The following AOX1 variants were observed in gnomAD, a reference collection of about 807,000 sequenced individuals.
AOX1 encodes aldehyde oxidase 1, also known as aldehyde oxidase.
AOX1 carries 153 observed loss-of-function variants against 169.5 expected under a neutral mutation model. The observed-to-expected ratio is 0.90, with a 90% CI of 0.79 to 1.03. AOX1 has a LOEUF of 1.03. AOX1 is among the 50% of genes least tolerant of loss of function. The pLI, the probability that AOX1 is intolerant of heterozygous loss-of-function variation, is 0.00. For synonymous variants in AOX1, 562 were observed against 581.9 expected, an observed-to-expected ratio of 0.97 and a Z score of 0.49; for missense variants, 1,656 against 1,663.9, an observed-to-expected ratio of 1.00 and a Z score of 0.08.
intron 26 of AOX1, among the ~76,000 whole-genome samples, chr2:200,652,441 G>C (rs111789352): frequency 0.025 from 3,841 of 152,282 alleles, 81 homozygotes; most frequent in South Asian, 0.046. Flanking sequence ...AAGCAAAAAC[G>C]AGGTTATTAC....
chr2:200,602,418 A>AG, intron 6 of AOX1, 73 bp downstream of exon 6: 2 of 1,329,676 alleles, frequency 1.5e-6, no homozygotes, highest in African/African-American at 1.4e-5. Context: ...GTCAGTGATT[A>AG]GGGGGGCAGC....
intron 19 of AOX1, among the ~76,000 whole-genome samples, chr2:200,624,636 A>G (rs2034964283): frequency 2.0e-5 from 3 of 152,226 alleles, no homozygotes; most frequent in Admixed American, 2.0e-4. Flanking sequence ...AGATTTTTCA[A>G]GAGATAAGTC....
intron 25 of AOX1, among the ~76,000 whole-genome samples, chr2:200,648,917 G>A (rs1270777360): frequency 6.6e-6 from 1 of 152,038 alleles, no homozygotes; most frequent in Admixed American, 6.5e-5. Flanking sequence ...CAAGCAGAAG[G>A]GTTGGTCTCA....
chr2:200,667,849 G>C (rs753052572), intron 32 of AOX1, among the ~76,000 whole-genome samples: 54 of 152,116 alleles, frequency 3.5e-4, no homozygotes, highest in Non-Finnish European at 6.9e-4. Context: ...CCAGAGATGT[G>C]AGGCTAGCCA....
At chr2:200,598,686 A>G (rs1366593879) in intron 4 of AOX1, among the ~76,000 whole-genome samples, 1 of 151,590 alleles carries the variant, frequency 6.6e-6, no homozygotes, top group African/African-American at 2.4e-5. Flanking sequence ...TGGAGGTTGC[A>G]GTGAGCCAAG....
At chr2:200,592,536 G>C (rs1278174419) in intron 1 of AOX1, among the ~76,000 whole-genome samples, 4 of 65,474 alleles carry the variant, frequency 6.1e-5, no homozygotes, top group East Asian at 5.7e-4. Context: ...ACAGCATGCT[G>C]TTCTGCTGCT....
chr2:200,625,737 A>G (rs2034985998), intron 19 of AOX1, among the ~76,000 whole-genome samples: 1 of 152,238 alleles, frequency 6.6e-6, no homozygotes, highest in African/African-American at 2.4e-5. Context: ...AAACTTTTAA[A>G]AATAGGATTT....
rs531177775 is a variant in AOX1 at position 200,619,497 on chromosome 2, C to T, written c.1705-1153C>T. Among the ~76,000 whole-genome samples the T allele has an allele frequency of 4.6e-5, 7 of 152,330 alleles. No individual in the cohort carries two copies. The South Asian group carries it at 1.2e-3, about 27-fold the overall frequency. On this transcript the variant is annotated intron_variant, in intron 16 of 34. Coordinates refer to ENST00000374700, the MANE Select transcript of AOX1 (RefSeq NM_001159.4). The stretch of plus-strand genomic sequence containing the variant: ...GGCTTAGCAGGCCACTCCTCAGCCA[C>T]AGCCTTCACCCTGGCCTTATGTCTG...
intron 26 of AOX1, among the ~76,000 whole-genome samples, chr2:200,652,026 T>C (rs1408029007): frequency 6.6e-6 from 1 of 152,100 alleles, no homozygotes; most frequent in Non-Finnish European, 1.5e-5. Context: ...ACTCCTTGGT[T>C]GGAGTCATGA....
At chr2:200,586,206 A>AGAGAGGGGCG in intron 1 of AOX1, 53 bp downstream of exon 1, 1 of 1,499,264 alleles carries the variant, frequency 6.7e-7, no homozygotes, top group Non-Finnish European at 8.9e-7. Flanking sequence ...GGGCCGGGGC[A>AGAGAGGGGCG]GAGAGGAGCC....
intron 7 of AOX1, among the ~76,000 whole-genome samples, 163 bp downstream of exon 7, chr2:200,603,519 C>T (rs997781445): frequency 1.3e-5 from 2 of 152,098 alleles, no homozygotes; most frequent in African/African-American, 4.8e-5. Context: ...AAAATTATAT[C>T]GCAGCAACTT....
chr2:200,650,941 C>T, intron 25 of AOX1, 33 bp from the exon 26 acceptor site: 2 of 1,592,610 alleles, frequency 1.3e-6, no homozygotes, highest in Non-Finnish European at 1.7e-6. Flanking sequence ...GCTGGGTTTC[C>T]CCTCCCAGCT....
downstream of AOX1, among the ~76,000 whole-genome samples, chr2:200,675,110 C>T (rs912103919): frequency 1.7e-4 from 26 of 152,138 alleles, no homozygotes; most frequent in Non-Finnish European, 2.2e-4. Context: ...GAAACAACCT[C>T]GCGCAGGCAC....
chr2:200,633,633 AT>A (rs1049616881), intron 20 of AOX1, among the ~76,000 whole-genome samples: 1 of 151,604 alleles, frequency 6.6e-6, no homozygotes, highest in African/African-American at 2.4e-5. Context: ...TTATTAAAGC[AT>A]TTTTATTACA....
intron 26 of AOX1, among the ~76,000 whole-genome samples, chr2:200,653,015 G>A (rs1352371281): frequency 2.0e-5 from 3 of 152,098 alleles, no homozygotes; most frequent in African/African-American, 7.2e-5. Flanking sequence ...CTCATTTTAG[G>A]TATAAAAAAA....
Position 200,621,114 on chromosome 2 carries a change from A to G in AOX1, c.1875-6A>G, listed in dbSNP as rs1323931794. 6.2e-7 allele frequency: 1 copy of G among 1,611,932 alleles called. No individual in the cohort carries two copies. Among genetic ancestry groups the G allele is most frequent in the South Asian group, 1.1e-5 (1 of 90,424 alleles). On this transcript the variant is annotated splice_polypyrimidine_tract_variant and splice_region_variant and intron_variant, in intron 17 of 34. Coordinates refer to ENST00000374700, the MANE Select transcript of AOX1 (RefSeq NM_001159.4). Reference sequence around the variant, plus strand: ...TCTAAGGAGCTCTGCTGTGTATATCATCTAGGTCTATTGATCTGTCAGAAG... The same window carrying G: ...TCTAAGGAGCTCTGCTGTGTATATCGTCTAGGTCTATTGATCTGTCAGAAG...
chr2:200,598,470 C>T (rs1468949431), intron 4 of AOX1, among the ~76,000 whole-genome samples: 3 of 152,038 alleles, frequency 2.0e-5, no homozygotes, highest in Admixed American at 1.3e-4. Context: ...CTAGGCCAGG[C>T]GTGGTAGCTC....
At chr2:200,652,423 A>T (rs1436917530) in intron 26 of AOX1, among the ~76,000 whole-genome samples, 4 of 152,234 alleles carry the variant, frequency 2.6e-5, no homozygotes, top group Non-Finnish European at 5.9e-5. Flanking sequence ...ACTGTGGTTG[A>T]GAAATAAAAG....
Position 200,603,349 on chromosome 2 carries a change from GAAGT to G in AOX1, c.585_588del (p.Ser195ArgfsTer21). On this transcript the variant is annotated frameshift_variant, in exon 7 of 35. Coordinates refer to ENST00000374700, the MANE Select transcript of AOX1 (RefSeq NM_001159.4). LOFTEE classifies it high-confidence loss of function. ...AATGGATTGCCAGAATTTGAGGAAG[GAAGT>G]AAGGTCAGTGAAATGTAAAGCTTTT... 1.2e-6 allele frequency: 2 copies of G among 1,612,894 alleles called. No individual in the cohort carries two copies. Among genetic ancestry groups the G allele is most frequent in the Non-Finnish European group, 8.5e-7 (1 of 1,179,006 alleles).
Sources: gnomAD v4.1 joint callset for allele counts (sites outside exome capture counted in the v4.1 genomes callset) on GRCh38, gnomAD v4.1.1 for gene constraint, MANE v1.5 for transcripts, NCBI Gene and HGNC (gene_info 2026-07-23, HGNC 2026-07-21) for gene names.